LRRC66: variants seen among roughly 807,000 people sequenced by gnomAD.
LRRC66 encodes the protein leucine-rich repeat-containing protein 66.
In LRRC66, 29 loss-of-function variants were observed where a neutral mutation model predicts 24.6. The ratio of observed to expected loss-of-function variants is 1.18; its 90% CI spans 0.88 to 1.61. The LOEUF is 1.61. LRRC66 is among the 40% of genes most tolerant of loss of function. LRRC66 has a pLI of 0.00. For missense variants in LRRC66, 1,124 were observed against 1,058.0 expected (o/e 1.06, Z -0.87); for synonymous variants, 411 against 397.6 (o/e 1.03, Z -0.40).
chr4:51,995,074 A>C lies in LRRC66; in HGVS notation c.1948T>G (p.Ser650Ala). Residue 650 changes from serine to alanine, a missense_variant, in exon 5 of 5, where the codon TCA becomes GCA. Transcript: ENST00000682860. ...TATGGAACCTCGCTGTAGTGGGCTG[A>C]AAGCGCTTCCTCAGCCCTTGCCCCG... is the stretch of plus-strand genomic sequence containing the variant. ...LSGARAEEALSAHYSEVPYGD... is the reference protein window; with the variant it reads ...LSGARAEEALAAHYSEVPYGD... The C allele has an allele frequency of 6.2e-7, 1 of 1,614,194 alleles. No individual in the cohort carries two copies. Among genetic ancestry groups the C allele is most frequent in the South Asian group, 1.1e-5 (1 of 91,086 alleles).
chr4:52,011,856 A>C (rs1736711835), intron 2 of LRRC66, among the ~76,000 whole-genome samples: 1 of 152,240 alleles, frequency 6.6e-6, no homozygotes, highest in South Asian at 2.1e-4. Context: ...GTCAACAAAC[A>C]AGTAAATAGT....
At chr4:51,998,042 A>G in intron 3 of LRRC66, 105 bp from the exon 4 acceptor site, 1 of 973,628 alleles carries the variant, frequency 1.0e-6, no homozygotes, top group Non-Finnish European at 1.6e-6. Context: ...TGGAGGCAAT[A>G]TGGATTTAAC....
chr4:51,995,989 G>C lies in LRRC66; in HGVS notation c.1033C>G (p.Leu345Val). The change falls in exon 5 of 5, where the codon CTC becomes GTC. Residue 345 changes from leucine (L) to valine (V), a missense_variant. Leu to Val is a conservative substitution (Grantham distance 32). Transcript: ENST00000682860. ...GGCAGCCGTCTCTGCTTCTTCCTGAGACCAGAGCCGGCCTTTGCCTTCTTC... is the reference window on the plus strand; with the variant it reads ...GGCAGCCGTCTCTGCTTCTTCCTGACACCAGAGCCGGCCTTTGCCTTCTTC... ...LGKKAKAGSG[L>V]RKKQRRLPRS... 6.2e-7 allele frequency: 1 copy of C among 1,613,948 alleles called. No individual in the cohort carries two copies. The highest frequency in any genetic ancestry group is 8.5e-7 in the Non-Finnish European group (1 of 1,179,964).
intron 3 of LRRC66, among the ~76,000 whole-genome samples, chr4:52,000,883 C>T (rs994863830): frequency 5.3e-5 from 8 of 152,178 alleles, no homozygotes; most frequent in Admixed American, 3.9e-4. Context: ...CCTGGATTTC[C>T]GTCTCATAGA....
intron 2 of LRRC66, among the ~76,000 whole-genome samples, chr4:52,008,569 G>A (rs1736634201): frequency 6.6e-6 from 1 of 152,004 alleles, no homozygotes; most frequent in South Asian, 2.1e-4. Context: ...TAAAGATATG[G>A]ATGAGAGCAG....
chr4:52,006,446 CAAG>C (rs1037562384), intron 2 of LRRC66, among the ~76,000 whole-genome samples: 35 of 149,790 alleles, frequency 2.3e-4, no homozygotes, highest in African/African-American at 8.6e-4. Flanking sequence ...TAAACTATTG[CAAG>C]AACAAAAAAC....
At chr4:52,011,111 C>T (rs1736691046) in intron 2 of LRRC66, among the ~76,000 whole-genome samples, 1 of 152,162 alleles carries the variant, frequency 6.6e-6, no homozygotes, top group Non-Finnish European at 1.5e-5. Context: ...ACAGACATTA[C>T]ACTTAGTAAA....
Position 51,994,597 on chromosome 4 carries a change from G to C in LRRC66, c.2425C>G (p.Pro809Ala). The change falls in exon 5 of 5, where the codon CCA becomes GCA. Residue 809 changes from proline (P) to alanine (A), a missense_variant. Transcript: ENST00000682860. The part of the protein sequence containing the change: ...SEGLSPWPRS[P>A]GNSPLGDEFP... ...TCATCCCCTAAGGGACTATTCCCTGGTGACCTGGGCCAGGGTGACAGGCCC... is the reference window on the plus strand; with the variant it reads ...TCATCCCCTAAGGGACTATTCCCTGCTGACCTGGGCCAGGGTGACAGGCCC... 1 of 1,614,176 alleles carries C rather than the reference G, an allele frequency of 6.2e-7. No individual in the cohort carries two copies. The highest frequency in any genetic ancestry group is 8.5e-7 in the Non-Finnish European group (1 of 1,180,030).
chr4:52,000,339 G>T (rs917131951), intron 3 of LRRC66, among the ~76,000 whole-genome samples: 4 of 152,098 alleles, frequency 2.6e-5, no homozygotes, highest in Non-Finnish European at 1.5e-5. Context: ...CATACACAAG[G>T]AGTATACTAT....
At chr4:52,012,247 T>C (rs187657468) in intron 2 of LRRC66, among the ~76,000 whole-genome samples, 58 of 151,852 alleles carry the variant, frequency 3.8e-4, no homozygotes, top group African/African-American at 1.3e-3. Flanking sequence ...CCCAAGCATG[T>C]GGGGAGAGGG....
rs748484106 is a variant in LRRC66, at chr4:51,995,630, G to A, written c.1392C>T (p.His464=). The part of the protein sequence containing the change: ...NQTPFWVTQP[H]PHATVIPDRT... Reference sequence around the variant, plus strand: ...TATCAGGAATTACGGTGGCGTGTGGGTGTGGCTGTGTCACCCAGAAAGGGG... The same window carrying A: ...TATCAGGAATTACGGTGGCGTGTGGATGTGGCTGTGTCACCCAGAAAGGGG... Residue 464 remains histidine, a synonymous_variant, in exon 5 of 5, where the codon CAC becomes CAT. Transcript: ENST00000682860. 3.7e-6 allele frequency: 6 copies of A among 1,614,074 alleles called. No homozygotes were observed. The highest frequency in any genetic ancestry group is 5.1e-6 in the Non-Finnish European group (6 of 1,180,008).
Position 52,017,198 on chromosome 4 carries a change from T to C in LRRC66, c.416A>G (p.His139Arg). ...AAACCTGTTTCTGAAGCTGCTTCTG[T>C]GGCGTTTCACCCATGAGGACTTAGG... ...LSPKSSWVKR[H>R]RSSFRNRFPL... Residue 139 changes from histidine to arginine, a missense_variant, in exon 2 of 5, where the codon CAC (histidine) becomes CGC (arginine). Physicochemically the swap from His to Arg is conservative, Grantham distance 29. Transcript: ENST00000682860. 1 of 1,614,140 alleles carries C rather than the reference T, an allele frequency of 6.2e-7. No homozygotes were observed. Among genetic ancestry groups the C allele is most frequent in the Non-Finnish European group, 8.5e-7 (1 of 1,179,988 alleles).
intron 3 of LRRC66, among the ~76,000 whole-genome samples, chr4:51,999,562 T>C (rs745356302): frequency 2.2e-4 from 33 of 152,224 alleles, no homozygotes; most frequent in Non-Finnish European, 5.9e-5. Context: ...TATGTATCGC[T>C]TGACAACAGA....
intron 2 of LRRC66, among the ~76,000 whole-genome samples, chr4:52,006,419 G>A (rs1449920908): frequency 6.6e-6 from 1 of 151,938 alleles, no homozygotes; most frequent in Non-Finnish European, 1.5e-5. Flanking sequence ...GATGAAATTG[G>A]AAATCATCAT....
chr4:52,004,890 G>C (rs578120615), intron 2 of LRRC66, among the ~76,000 whole-genome samples: 1 of 152,356 alleles, frequency 6.6e-6, no homozygotes, highest in South Asian at 2.1e-4. Context: ...AGTATGGACA[G>C]CATAGAATCT....
In LRRC66 at chr4:51,995,672, G is replaced by T. The variant is rs750154492; in HGVS notation, c.1350C>A (p.Ser450Arg). The T allele has an allele frequency of 7.4e-6, 12 of 1,614,154 alleles. No individual in the cohort carries two copies. The South Asian group carries it at 1.3e-4, about 18-fold the overall frequency. ...THLRQVFPHL[S>R]LYENQTPFWV... ...AGAAAGGGGTCTGGTTCTCGTAGAG[G>T]CTTAGATGAGGAAATACTTGGCGCA... Residue 450 changes from serine (S) to arginine (R), a missense_variant, in exon 5 of 5, where the codon AGC becomes AGA. Coordinates refer to ENST00000682860, the MANE Select transcript of LRRC66 (RefSeq NM_001024611.3).
chr4:52,012,797 C>A (rs1165350105), intron 2 of LRRC66, among the ~76,000 whole-genome samples: 1 of 152,108 alleles, frequency 6.6e-6, no homozygotes. Context: ...ATTTTATTAG[C>A]CTTTGCATTT....
intron 4 of LRRC66, among the ~76,000 whole-genome samples, chr4:51,996,785 C>A (rs1736332107): frequency 6.6e-6 from 1 of 152,194 alleles, no homozygotes; most frequent in Admixed American, 6.5e-5. Flanking sequence ...GGCTTCCTGC[C>A]TCACTGCTGC....
At chr4:52,009,045 T>TA (rs1736644988) in intron 2 of LRRC66, among the ~76,000 whole-genome samples, 1 of 152,080 alleles carries the variant, frequency 6.6e-6, no homozygotes, top group Admixed American at 6.6e-5. Flanking sequence ...TAATACCAAA[T>TA]AAAAATAGAC....
Sources: gnomAD v4.1 joint callset for allele counts (sites outside exome capture counted in the v4.1 genomes callset) on GRCh38, gnomAD v4.1.1 for gene constraint, MANE v1.5 for transcripts, NCBI Gene and HGNC (gene_info 2026-07-23, HGNC 2026-07-21) for gene names.